CYFIP1: variants seen among roughly 807,000 people sequenced by gnomAD.
The protein encoded by CYFIP1 is cytoplasmic FMR1-interacting protein 1.
In CYFIP1, 58 loss-of-function variants were observed where a neutral mutation model predicts 163.5. That is an observed-to-expected ratio of 0.35 (90% CI 0.29 to 0.44). The LOEUF (loss-of-function observed/expected upper bound fraction) is 0.44, where lower values mean the gene tolerates loss of function less well. Ranked by LOEUF, CYFIP1 falls within the 20% of genes least tolerant of loss-of-function variation. The pLI, the probability that CYFIP1 is intolerant of heterozygous loss-of-function variation, is 1.00. For synonymous variants in CYFIP1, 663 were observed against 660.7 expected (o/e 1.00, Z -0.05); for missense variants, 1,338 against 1,653.8 (o/e 0.81, Z 3.31).
At chr15:22,878,496 A>C (rs2059649238) in intron 26 of CYFIP1, among the ~76,000 whole-genome samples, 2 of 152,098 alleles carry the variant, frequency 1.3e-5, no homozygotes, top group South Asian at 2.1e-4. Flanking sequence ...GAGAGAAAGA[A>C]GCTTCCTCTG....
At chr15:22,977,433 T>C (rs1320240624) in intron 1 of CYFIP1, among the ~76,000 whole-genome samples, 1 of 152,194 alleles carries the variant, frequency 6.6e-6, no homozygotes, top group Non-Finnish European at 1.5e-5. Flanking sequence ...ATTATGTCAG[T>C]GTAATTAATC....
intron 17 of CYFIP1, among the ~76,000 whole-genome samples, chr15:22,914,439 T>A (rs1410197048): frequency 6.6e-6 from 1 of 151,762 alleles, no homozygotes; most frequent in Non-Finnish European, 1.5e-5. Flanking sequence ...TTTTTTTTTT[T>A]ATTTGGAGAC....
At chr15:22,883,263 T>C (rs550003471) in intron 23 of CYFIP1, among the ~76,000 whole-genome samples, 3 of 152,318 alleles carry the variant, frequency 2.0e-5, no homozygotes, top group East Asian at 1.9e-4. Flanking sequence ...GCCGACTCGC[T>C]AGAAGCCATT....
At chr15:22,969,824 T>C (rs1302825176) in intron 1 of CYFIP1, among the ~76,000 whole-genome samples, 3 of 152,212 alleles carry the variant, frequency 2.0e-5, no homozygotes, top group East Asian at 3.9e-4. Flanking sequence ...GGACATACCA[T>C]GCAAAGAGTA....
rs775476477 is a variant in CYFIP1, at chr15:22,932,727, A to C, written c.993-387T>G. Among the ~76,000 whole-genome samples, 2 of 152,102 alleles carry C rather than the reference A, an allele frequency of 1.3e-5. 1 individual carries two copies. Among genetic ancestry groups the C allele is most frequent in the Non-Finnish European group, 2.9e-5 (2 of 68,014 alleles). ...GGGAGGAGTGCCTGCCAGCATCTGGAACTGTGCTGAGGATCTTTATAGTTC... is the reference window on the plus strand; with the variant it reads ...GGGAGGAGTGCCTGCCAGCATCTGGCACTGTGCTGAGGATCTTTATAGTTC... On this transcript the variant is annotated intron_variant, in intron 10 of 30. Transcript: ENST00000617928.
At chr15:22,943,109 A>G (rs2061944317) in intron 6 of CYFIP1, 64 bp downstream of exon 6, 1 of 1,519,980 alleles carries the variant, frequency 6.6e-7, no homozygotes, top group Non-Finnish European at 9.0e-7. Context: ...CCTGCTGTGC[A>G]CAAGGCAGGC....
intron 1 of CYFIP1, among the ~76,000 whole-genome samples, chr15:22,979,406 A>G (rs1475842703): frequency 6.6e-6 from 1 of 152,076 alleles, no homozygotes; most frequent in Non-Finnish European, 1.5e-5. Context: ...GACGACTGCA[A>G]GAAACACCAC....
intron 1 of CYFIP1, among the ~76,000 whole-genome samples, chr15:22,968,627 C>T (rs1296078221): frequency 6.6e-6 from 1 of 152,232 alleles, no homozygotes; most frequent in Admixed American, 6.5e-5. Flanking sequence ...ACCACCTCCA[C>T]ACCCTGTCAT....
At chr15:22,940,550 C>T (rs116190678) in intron 6 of CYFIP1, among the ~76,000 whole-genome samples, 297 of 152,296 alleles carry the variant, frequency 2.0e-3, no homozygotes, top group Admixed American at 3.2e-3. Context: ...ACACCTGAAG[C>T]GGAGCCGCAG....
chr15:22,920,649 A>G (rs542316845), intron 13 of CYFIP1, among the ~76,000 whole-genome samples: 5 of 152,328 alleles, frequency 3.3e-5, no homozygotes, highest in African/African-American at 1.2e-4. Context: ...CTTTCATGTA[A>G]GACTCATGGT....
intron 21 of CYFIP1, among the ~76,000 whole-genome samples, chr15:22,906,750 C>T (rs1313179817): frequency 6.6e-6 from 1 of 152,176 alleles, no homozygotes; most frequent in African/African-American, 2.4e-5. Context: ...CAGCCGTGAG[C>T]CACAGCGCCC....
At chr15:22,927,483 CAAAAAAAA>C (rs1188331935) in intron 12 of CYFIP1, among the ~76,000 whole-genome samples, 9 of 57,492 alleles carry the variant, frequency 1.6e-4, no homozygotes, top group East Asian at 5.5e-4. Context: ...AACTCCGTCT[CAAAAAAAA>C]AAAAAAAAAA....
At chr15:22,873,366 C>A in intron 29 of CYFIP1, 125 bp downstream of exon 29, 1 of 774,432 alleles carries the variant, frequency 1.3e-6, no homozygotes. Context: ...GGCTTAAAAG[C>A]CGCTCAGTGA....
At chr15:22,910,163 T>C (rs990238543) in intron 20 of CYFIP1, among the ~76,000 whole-genome samples, 2 of 151,230 alleles carry the variant, frequency 1.3e-5, no homozygotes, top group Non-Finnish European at 2.9e-5. Context: ...TCATTTTTTT[T>C]TTCTTTTTTT....
intron 21 of CYFIP1, among the ~76,000 whole-genome samples, chr15:22,905,927 A>AT (rs1364108364): frequency 7.1e-6 from 1 of 141,230 alleles, no homozygotes; most frequent in Non-Finnish European, 1.5e-5. Flanking sequence ...CACCCGGCTA[A>AT]TTTTTTTATT....
intron 27 of CYFIP1, 68 bp downstream of exon 27, chr15:22,875,131 T>C (rs2141837778): frequency 7.0e-7 from 1 of 1,438,252 alleles, no homozygotes; most frequent in Non-Finnish European, 9.8e-7. Context: ...AGCTCTCCGG[T>C]TGCATACAGT....
In CYFIP1 at chr15:22,917,979, C is replaced by T; in HGVS notation, c.1527-44G>A. 6 of 1,589,532 alleles carry T rather than the reference C, an allele frequency of 3.8e-6. No homozygotes were observed. The Admixed American group carries it at 5.3e-5, about 14-fold the overall frequency. Reference sequence around the variant, plus strand: ...GATCAGCAAGGCCCAGAGGCCGAGACCTCCAGCCTCACAATCACACCATCT... The same window carrying T: ...GATCAGCAAGGCCCAGAGGCCGAGATCTCCAGCCTCACAATCACACCATCT... On this transcript the variant is annotated intron_variant, in intron 14 of 30. Transcript: ENST00000617928. The surrounding 1 kb of genome is among the most constrained non-coding windows in gnomAD (Gnocchi z 4.2).
intron 30 of CYFIP1, among the ~76,000 whole-genome samples, chr15:22,872,152 G>C (rs568329207): frequency 2.0e-5 from 3 of 151,776 alleles, no homozygotes; most frequent in Admixed American, 2.0e-4. Flanking sequence ...AAAATCAGCC[G>C]GGCGTGGTGG....
chr15:22,945,985 C>A (rs2062045823), intron 3 of CYFIP1, among the ~76,000 whole-genome samples: 1 of 152,218 alleles, frequency 6.6e-6, no homozygotes, highest in African/African-American at 2.4e-5. Flanking sequence ...TTAAGGATTG[C>A]TTTCTCTAGC....
Sources: allele counts gnomAD v4.1 joint callset (sites outside exome capture counted in the v4.1 genomes callset), GRCh38; gene constraint gnomAD v4.1.1; non-coding constraint Gnocchi (gnomAD v3.1); transcripts MANE v1.5; gene names NCBI Gene and HGNC (gene_info 2026-07-23, HGNC 2026-07-21).